CDH13: variants seen among roughly 807,000 people sequenced by gnomAD.
CDH13 encodes cadherin-13.
CDH13 carries 24 observed loss-of-function variants against 63.8 expected under a neutral mutation model. That is an observed-to-expected ratio of 0.38 (90% CI 0.27 to 0.53). The LOEUF is 0.53. Among genes scored for constraint, CDH13 ranks in the 20% least tolerant of loss-of-function variants. CDH13 has a pLI of 0.85. For missense variants in CDH13, 1,049 were observed against 903.1 expected (o/e 1.16, Z -2.07); for synonymous variants, 503 against 355.3 (o/e 1.42, Z -4.67).
intron 4 of CDH13, among the ~76,000 whole-genome samples, chr16:83,203,675 A>AAG (rs1363706102): frequency 6.6e-6 from 1 of 151,170 alleles, no homozygotes; most frequent in African/African-American, 2.4e-5. Context: ...AAAAAAAAAA[A>AAG]AAAAAAGATT....
At chr16:83,412,650 A>T (rs1371037512) in intron 6 of CDH13, among the ~76,000 whole-genome samples, 2 of 152,204 alleles carry the variant, frequency 1.3e-5, no homozygotes, top group Admixed American at 6.5e-5. Context: ...GGTGGGGCAC[A>T]TCAACTCCTT....
At chr16:83,374,168 C>G (rs1325618534) in intron 6 of CDH13, among the ~76,000 whole-genome samples, 1 of 152,166 alleles carries the variant, frequency 6.6e-6, no homozygotes, top group Non-Finnish European at 1.5e-5. Flanking sequence ...CCTGATGGAG[C>G]AAAGTCTTAG....
chr16:83,705,085 C>G (rs568237380), intron 10 of CDH13, among the ~76,000 whole-genome samples: 5 of 152,302 alleles, frequency 3.3e-5, no homozygotes, highest in African/African-American at 1.2e-4. Context: ...GACTTCATTT[C>G]TAAAACATAG....
intron 7 of CDH13, among the ~76,000 whole-genome samples, chr16:83,497,427 C>G (rs140245239): frequency 1.3e-5 from 2 of 149,364 alleles, no homozygotes; most frequent in Admixed American, 1.4e-4. Context: ...AACCAAACAC[C>G]GCATATTCTC....
chr16:82,923,250 G>T (rs538853131), intron 2 of CDH13, among the ~76,000 whole-genome samples: 10 of 152,230 alleles, frequency 6.6e-5, no homozygotes, highest in African/African-American at 1.7e-4. Flanking sequence ...TGTCCATACT[G>T]CTCAGTATCT....
At chr16:83,289,484 T>C (rs2089413593) in intron 5 of CDH13, among the ~76,000 whole-genome samples, 1 of 152,218 alleles carries the variant, frequency 6.6e-6, no homozygotes, top group Non-Finnish European at 1.5e-5. Context: ...AAGGTGATTC[T>C]AATGTGCAGC....
intron 10 of CDH13, among the ~76,000 whole-genome samples, chr16:83,734,567 C>G (rs919127345): frequency 2.0e-5 from 3 of 150,590 alleles, no homozygotes; most frequent in Non-Finnish European, 2.9e-5. Flanking sequence ...GAACATCACA[C>G]TCTGGGGACT....
chr16:83,493,219 T>C lies in CDH13; in HGVS notation c.960+6564T>C, dbSNP rs144138895. ...TAGTTGGTATTAGATGTTTCCATGA[T>C]TGACAATGAGACTGAAGAAGCAGAA... On this transcript the variant is annotated intron_variant, in intron 7 of 13. Coordinates refer to ENST00000567109, the MANE Select transcript of CDH13 (RefSeq NM_001257.5). Among the ~76,000 whole-genome samples, 59 of 152,324 alleles carry C rather than the reference T, an allele frequency of 3.9e-4. 1 individual carries two copies. Among genetic ancestry groups the C allele is most frequent in the African/African-American group, 1.3e-3 (55 of 41,582 alleles).
At chr16:82,899,637 A>C (rs550915583) in intron 2 of CDH13, among the ~76,000 whole-genome samples, 1 of 152,094 alleles carries the variant, frequency 6.6e-6, no homozygotes. Context: ...TGGAGTATGC[A>C]TGGATTTGGC....
At chr16:82,787,084 A>G (rs1261776195) in intron 1 of CDH13, among the ~76,000 whole-genome samples, 3 of 152,166 alleles carry the variant, frequency 2.0e-5, no homozygotes, top group Admixed American at 2.0e-4. Flanking sequence ...CACCTATAAA[A>G]TACTATTTTA....
intron 1 of CDH13, among the ~76,000 whole-genome samples, chr16:82,643,890 G>T (rs1394100237): frequency 6.7e-6 from 1 of 150,236 alleles, no homozygotes; most frequent in Non-Finnish European, 1.5e-5. Context: ...GGGACTACAG[G>T]TGTGGACCAC....
At chr16:83,677,764 A>G (rs11149599) in intron 9 of CDH13, among the ~76,000 whole-genome samples, 88,819 of 151,936 alleles carry the variant, frequency 0.58, 26,778 homozygotes, top group African/African-American at 0.72. Context: ...TTGGAGTCTC[A>G]TTTACCAGAG....
At chr16:83,367,983 CAA>C (rs1159054125) in intron 6 of CDH13, among the ~76,000 whole-genome samples, 1 of 152,168 alleles carries the variant, frequency 6.6e-6, no homozygotes, top group Non-Finnish European at 1.5e-5. Flanking sequence ...TTTCAATAGA[CAA>C]GTCTTGCATT....
intron 13 of CDH13, among the ~76,000 whole-genome samples, chr16:83,788,944 A>G (rs6563979): frequency 0.027 from 4,128 of 152,266 alleles, 94 homozygotes; most frequent in Non-Finnish European, 0.039. Flanking sequence ...ACAGTTAAAA[A>G]CAGGTGTTAC....
At chr16:83,126,974 G>T (rs571912797) in intron 4 of CDH13, among the ~76,000 whole-genome samples, 58 of 152,302 alleles carry the variant, frequency 3.8e-4, no homozygotes, top group African/African-American at 1.3e-3. Context: ...GGAGTAGAGG[G>T]AGGAGGGAAT....
chr16:82,689,628 G>A (rs1212755858), intron 1 of CDH13, among the ~76,000 whole-genome samples: 6 of 152,082 alleles, frequency 3.9e-5, no homozygotes, highest in Non-Finnish European at 8.8e-5. Flanking sequence ...TGTGTTTGAT[G>A]CCCTAATGTT....
At chr16:83,238,694 C>A (rs1477103512) in intron 5 of CDH13, among the ~76,000 whole-genome samples, 2 of 152,098 alleles carry the variant, frequency 1.3e-5, no homozygotes, top group Admixed American at 6.6e-5. Context: ...CACCTAAAGT[C>A]AAATCTTTCA....
chr16:82,831,885 C>G (rs532555793), intron 1 of CDH13, among the ~76,000 whole-genome samples: 2 of 152,138 alleles, frequency 1.3e-5, no homozygotes, highest in Admixed American at 6.5e-5. Flanking sequence ...CTAGGTAAAC[C>G]CATGCTCACA....
At chr16:83,593,165 G>A (rs545644109) in intron 7 of CDH13, among the ~76,000 whole-genome samples, 28 of 152,350 alleles carry the variant, frequency 1.8e-4, no homozygotes, top group Non-Finnish European at 2.9e-4. Context: ...GCTTCATATT[G>A]CAAGGACGCT....
Sources: allele counts gnomAD v4.1 joint callset (sites outside exome capture counted in the v4.1 genomes callset), GRCh38; gene constraint gnomAD v4.1.1; transcripts MANE v1.5; gene names NCBI Gene and HGNC (gene_info 2026-07-23, HGNC 2026-07-21).